STK32B: variants seen among roughly 807,000 people sequenced by gnomAD.
STK32B encodes the protein serine/threonine-protein kinase 32B.
STK32B carries 43 observed loss-of-function variants against 52.6 expected under a neutral mutation model. The ratio of observed to expected loss-of-function variants is 0.82; its 90% CI spans 0.64 to 1.05. The LOEUF (loss-of-function observed/expected upper bound fraction) is 1.05. STK32B is among the 50% of genes least tolerant of loss of function. STK32B has a pLI of 0.00. For missense variants in STK32B, 621 were observed against 534.6 expected (o/e 1.16, Z -1.59); for synonymous variants, 238 against 204.3 (o/e 1.17, Z -1.41).
At chr4:5,375,299 C>T (rs1735517018) in intron 4 of STK32B, among the ~76,000 whole-genome samples, 1 of 152,158 alleles carries the variant, frequency 6.6e-6, no homozygotes, top group African/African-American at 2.4e-5. Context: ...ACACAGCCTG[C>T]TCCTAGAGCC....
At chr4:5,291,392 T>G (rs1238700022) in intron 3 of STK32B, among the ~76,000 whole-genome samples, 2 of 152,180 alleles carry the variant, frequency 1.3e-5, no homozygotes, top group Non-Finnish European at 2.9e-5. Context: ...AATGTATTTA[T>G]AAGAATTTGG....
chr4:5,073,982 A>C (rs1451670531), intron 1 of STK32B, among the ~76,000 whole-genome samples: 2 of 151,612 alleles, frequency 1.3e-5, no homozygotes, highest in East Asian at 3.9e-4. Flanking sequence ...AGCCTTTTGG[A>C]TTGTGGATTG....
At chr4:5,346,400 G>T (rs753658139) in intron 4 of STK32B, among the ~76,000 whole-genome samples, 2 of 152,122 alleles carry the variant, frequency 1.3e-5, no homozygotes, top group Admixed American at 6.5e-5. Flanking sequence ...CACCCTCTCT[G>T]GGTCCAAGTC....
intron 1 of STK32B, among the ~76,000 whole-genome samples, chr4:5,070,965 T>C (rs1052090731): frequency 2.6e-5 from 4 of 152,170 alleles, no homozygotes; most frequent in African/African-American, 9.7e-5. Flanking sequence ...TAACCTCTGC[T>C]CCTGTACATG....
At chr4:5,302,026 G>A (rs1178317946) in intron 3 of STK32B, among the ~76,000 whole-genome samples, 3 of 151,058 alleles carry the variant, frequency 2.0e-5, no homozygotes, top group African/African-American at 7.3e-5. Flanking sequence ...TATCCTTTGT[G>A]TAATAAAAAC....
chr4:5,437,992 G>T, intron 6 of STK32B: 1 of 985,544 alleles, frequency 1.0e-6, no homozygotes, highest in Non-Finnish European at 1.2e-6. Flanking sequence ...TTTGTCGCTT[G>T]TCTGATCATG....
the STK32B span, among the ~76,000 whole-genome samples, chr4:5,020,857 C>A: frequency 6.6e-6 from 1 of 152,208 alleles, no homozygotes; most frequent in Admixed American, 6.5e-5. Flanking sequence ...TGGGGTTATT[C>A]CCAATTCCCA....
chr4:5,462,765 A>C (rs1214386801), intron 9 of STK32B, among the ~76,000 whole-genome samples: 1 of 152,148 alleles, frequency 6.6e-6, no homozygotes, highest in Non-Finnish European at 1.5e-5. Flanking sequence ...CCGGGACTGT[A>C]CTCATGAGAT....
chr4:5,188,529 A>G (rs1358176411), intron 3 of STK32B, among the ~76,000 whole-genome samples: 1 of 152,102 alleles, frequency 6.6e-6, no homozygotes, highest in Non-Finnish European at 1.5e-5. Flanking sequence ...GAAATCTGCA[A>G]GGCATACCCC....
chr4:5,430,771 G>T (rs1577485942), intron 6 of STK32B, among the ~76,000 whole-genome samples: 1 of 152,184 alleles, frequency 6.6e-6, no homozygotes. Context: ...TTGTTGTTCT[G>T]TGGTTATTTT....
intron 4 of STK32B, among the ~76,000 whole-genome samples, chr4:5,341,557 G>A (rs763280405): frequency 1.3e-4 from 20 of 152,080 alleles, no homozygotes; most frequent in Non-Finnish European, 8.8e-5. Context: ...TAATGATTTC[G>A]TCGGTAACTT....
chr4:5,292,841 A>T (rs1365452957), intron 3 of STK32B, among the ~76,000 whole-genome samples: 1 of 151,764 alleles, frequency 6.6e-6, no homozygotes, highest in Non-Finnish European at 1.5e-5. Flanking sequence ...TGCTACATAG[A>T]TATACATGTG....
chr4:5,199,519 A>G (rs1721957836), intron 3 of STK32B, among the ~76,000 whole-genome samples: 1 of 150,576 alleles, frequency 6.6e-6, no homozygotes, highest in South Asian at 2.1e-4. Context: ...TCTCTGAATC[A>G]CTGCATGTTC....
chr4:5,467,957 C>A lies in STK32B; in HGVS notation c.1042-49C>A. 1 of 1,608,068 alleles carries A rather than the reference C, an allele frequency of 6.2e-7. No homozygotes were observed. Among genetic ancestry groups the A allele is most frequent in the Non-Finnish European group, 8.5e-7 (1 of 1,174,828 alleles). On this transcript the variant is annotated intron_variant, in intron 10 of 11. Transcript: ENST00000282908. The surrounding 1 kb of genome is among the most constrained non-coding windows in gnomAD (Gnocchi z 5.8). Reference sequence around the variant, plus strand: ...CCTGTGATGCTCCATTACCGCGCGTCCCCGGACCGTGCTTTGTCATTTAGT... The same window carrying A: ...CCTGTGATGCTCCATTACCGCGCGTACCCGGACCGTGCTTTGTCATTTAGT...
At chr4:5,354,361 G>A (rs1224710003) in intron 4 of STK32B, among the ~76,000 whole-genome samples, 3 of 152,084 alleles carry the variant, frequency 2.0e-5, no homozygotes, top group African/African-American at 7.2e-5. Context: ...CACCTCCTGG[G>A]TTCAAGGGAT....
At chr4:5,222,475 A>C (rs888980723) in intron 3 of STK32B, among the ~76,000 whole-genome samples, 6 of 152,208 alleles carry the variant, frequency 3.9e-5, no homozygotes, top group Non-Finnish European at 7.3e-5. Flanking sequence ...GTGGGTAGAA[A>C]TATGGAGAGT....
rs1204650741 is a variant in STK32B, at chr4:5,400,217, G to T, written c.472+1973G>T. On this transcript the variant is annotated intron_variant, in intron 5 of 11. Coordinates refer to ENST00000282908, the MANE Select transcript of STK32B (RefSeq NM_018401.3). The surrounding 1 kb of genome is among the most constrained non-coding windows in gnomAD (Gnocchi z 6.1). Reference sequence around the variant, plus strand: ...GCTCCCCTGAAGCTGCTGCACAAAAGATATAGGCAGGCGGGCTGCTCCCAG... The same window carrying T: ...GCTCCCCTGAAGCTGCTGCACAAAATATATAGGCAGGCGGGCTGCTCCCAG... Among the ~76,000 whole-genome samples the T allele has an allele frequency of 6.6e-6, 1 of 152,188 alleles. No individual in the cohort carries two copies. Among genetic ancestry groups the T allele is most frequent in the Non-Finnish European group, 1.5e-5 (1 of 68,028 alleles).
chr4:5,060,234 G>A (rs1001395495), intron 1 of STK32B, among the ~76,000 whole-genome samples: 1 of 152,170 alleles, frequency 6.6e-6, no homozygotes, highest in Non-Finnish European at 1.5e-5. Context: ...CCTAAGTACT[G>A]GGATAACAGG....
At chr4:5,122,387 C>T (rs1440437210) in intron 1 of STK32B, among the ~76,000 whole-genome samples, 1 of 150,604 alleles carries the variant, frequency 6.6e-6, no homozygotes, top group Admixed American at 6.6e-5. Flanking sequence ...TTCATTCACT[C>T]ACTCATTCAT....
Sources: allele counts gnomAD v4.1 joint callset (sites outside exome capture counted in the v4.1 genomes callset), GRCh38; gene constraint gnomAD v4.1.1; non-coding constraint Gnocchi (gnomAD v3.1); transcripts MANE v1.5; gene names NCBI Gene and HGNC (gene_info 2026-07-23, HGNC 2026-07-21).